PSMD1: variants seen among roughly 807,000 people sequenced by gnomAD.
The protein encoded by PSMD1 is 26S proteasome non-ATPase regulatory subunit 1.
A neutral mutation model predicts 119.0 loss-of-function variants in PSMD1; 18 were observed. That is an observed-to-expected ratio of 0.15 (90% CI 0.10 to 0.22). The LOEUF (loss-of-function observed/expected upper bound fraction) is 0.22, where lower values mean the gene tolerates loss of function less well. Ranked by LOEUF, PSMD1 falls within the 10% of genes least tolerant of loss-of-function variation. The pLI, the probability that PSMD1 is intolerant of heterozygous loss-of-function variation, is 1.00. For missense variants in PSMD1, 702 were observed against 1,158.5 expected, an observed-to-expected ratio of 0.61 and a Z score of 5.72; for synonymous variants, 374 against 396.6, an observed-to-expected ratio of 0.94 and a Z score of 0.68.
At chr2:231,108,146 G>A (rs1695020654) in intron 16 of PSMD1, 1 of 244,880 alleles carries the variant, frequency 4.1e-6, no homozygotes, top group Non-Finnish European at 8.0e-6. Flanking sequence ...TGGAAGGCAA[G>A]GCTAATGTTT....
At chr2:231,073,834 C>T (rs976738418) in intron 7 of PSMD1, among the ~76,000 whole-genome samples, 1 of 151,798 alleles carries the variant, frequency 6.6e-6, no homozygotes, top group Middle Eastern at 3.4e-3. Flanking sequence ...TTTTTATATA[C>T]TAACATTGAA....
rs185626137 is a variant in PSMD1 at position 231,070,562 on chromosome 2, C to T, written c.654+394C>T. 2.0e-5 allele frequency among the ~76,000 whole-genome samples: 3 copies of T among 152,192 alleles called. No homozygotes were observed. The East Asian group carries it at 5.8e-4, about 29-fold the overall frequency. ...ATTATATATGGTTTCATTACCCATA[C>T]ACACCAAAACATTTGGGTATCTTTT... On this transcript the variant is annotated intron_variant, in intron 6 of 24. Coordinates refer to ENST00000308696, the MANE Select transcript of PSMD1 (RefSeq NM_002807.4).
intron 16 of PSMD1, among the ~76,000 whole-genome samples, chr2:231,095,693 C>G (rs1442350521): frequency 6.6e-6 from 1 of 152,136 alleles, no homozygotes; most frequent in African/African-American, 2.4e-5. Flanking sequence ...TCCTGTTCTG[C>G]AAGGGGAATA....
At chr2:231,119,916 A>G (rs1276071422) in intron 16 of PSMD1, among the ~76,000 whole-genome samples, 2 of 150,856 alleles carry the variant, frequency 1.3e-5, no homozygotes, top group Non-Finnish European at 3.0e-5. Context: ...AATAACACCC[A>G]ATGGATGGCC....
chr2:231,157,633 C>T (rs1369915180), intron 19 of PSMD1, among the ~76,000 whole-genome samples: 1 of 151,828 alleles, frequency 6.6e-6, no homozygotes, highest in African/African-American at 2.4e-5. Flanking sequence ...GTGGCATGAT[C>T]TCGGCTCACT....
At chr2:231,147,016 C>T (rs925645251) in intron 18 of PSMD1, among the ~76,000 whole-genome samples, 10 of 152,204 alleles carry the variant, frequency 6.6e-5, no homozygotes, top group African/African-American at 2.4e-4. Flanking sequence ...TCTCAGTGCA[C>T]AGCAGCCCCT....
At chr2:231,158,075 C>T (rs557997815) in intron 19 of PSMD1, among the ~76,000 whole-genome samples, 1 of 151,852 alleles carries the variant, frequency 6.6e-6, no homozygotes, top group Admixed American at 6.6e-5. Flanking sequence ...TTTTGGGAGG[C>T]CGAGGTGGGT....
chr2:231,152,111 C>T (rs1559251416), intron 18 of PSMD1, among the ~76,000 whole-genome samples: 1 of 152,040 alleles, frequency 6.6e-6, no homozygotes, highest in South Asian at 2.1e-4. Context: ...CCACCTCACC[C>T]GGCCACGTGA....
chr2:231,113,854 A>T (rs1260204795), intron 16 of PSMD1: 2 of 1,614,152 alleles, frequency 1.2e-6, no homozygotes, highest in East Asian at 2.2e-5. Flanking sequence ...GAGATGCATG[A>T]TGGATGCGGT....
At chr2:231,171,807 C>T (rs932506132) in intron 24 of PSMD1, among the ~76,000 whole-genome samples, 1 of 152,054 alleles carries the variant, frequency 6.6e-6, no homozygotes, top group African/African-American at 2.4e-5. Context: ...CCGCGAACCT[C>T]GGCCTCCCAA....
At chr2:231,123,122 A>G (rs567057814) in intron 16 of PSMD1, among the ~76,000 whole-genome samples, 8 of 152,272 alleles carry the variant, frequency 5.3e-5, no homozygotes, top group African/African-American at 1.9e-4. Context: ...TAATTTATAG[A>G]TAATATATTC....
intron 21 of PSMD1, 116 bp from the exon 22 acceptor site, chr2:231,165,084 A>G (rs1273248208): frequency 1.7e-4 from 31 of 178,920 alleles, no homozygotes; most frequent in Non-Finnish European, 2.7e-4. Flanking sequence ...ATATATATAT[A>G]TATATATGTA....
intron 16 of PSMD1, among the ~76,000 whole-genome samples, chr2:231,129,988 G>A (rs576752145): frequency 3.9e-4 from 59 of 152,038 alleles, no homozygotes; most frequent in African/African-American, 1.4e-3. Flanking sequence ...CAAGCAGCTG[G>A]GATTACAGGC....
chr2:231,072,168 T>G lies in PSMD1; in HGVS notation c.655-21T>G, dbSNP rs761790371. On this transcript the variant is annotated intron_variant, in intron 6 of 24. Transcript: ENST00000308696. ...ATGAAGTTTTTAATTATTGAATAAT[T>G]GTTCTTTATCTCCATTTCAGTGCTT... 7.4e-5 allele frequency: 116 copies of G among 1,563,338 alleles called. 1 individual carries two copies. The Middle Eastern group carries it at 3.7e-3, about 50-fold the overall frequency.
At chr2:231,165,080 A>AGGGC in intron 21 of PSMD1, 120 bp from the exon 22 acceptor site, 1 of 84,434 alleles carries the variant, frequency 1.2e-5, no homozygotes. Context: ...ATATATATAT[A>AGGGC]TATATATATA....
At chr2:231,154,631 C>T (rs1696445869) in intron 19 of PSMD1, among the ~76,000 whole-genome samples, 2 of 152,152 alleles carry the variant, frequency 1.3e-5, no homozygotes, top group African/African-American at 4.8e-5. Context: ...CCACACCCAA[C>T]TAATTGTTTA....
At chr2:231,071,585 C>T (rs1278032053) in intron 6 of PSMD1, among the ~76,000 whole-genome samples, 1 of 151,952 alleles carries the variant, frequency 6.6e-6, no homozygotes, top group African/African-American at 2.4e-5. Context: ...TGTGTTATTT[C>T]GTGTTCTTAA....
chr2:231,144,708 C>T (rs1283546346), intron 17 of PSMD1, among the ~76,000 whole-genome samples: 1 of 152,144 alleles, frequency 6.6e-6, no homozygotes, highest in Admixed American at 6.5e-5. Flanking sequence ...GCCACCACGC[C>T]CACCCAGCCT....
intron 16 of PSMD1, chr2:231,123,637 A>C: frequency 6.2e-7 from 1 of 1,614,058 alleles, no homozygotes; most frequent in South Asian, 1.1e-5. Context: ...AATCTGTTTC[A>C]TTTCCTCTGG....
Sources: gnomAD v4.1 joint callset for allele counts (sites outside exome capture counted in the v4.1 genomes callset) on GRCh38, gnomAD v4.1.1 for gene constraint, MANE v1.5 for transcripts, NCBI Gene and HGNC (gene_info 2026-07-23, HGNC 2026-07-21) for gene names.